Variants in ZFYVE9 observed in about 807,000 individuals in gnomAD.
The protein encoded by ZFYVE9 is zinc finger FYVE-type containing 9, also known as zinc finger FYVE domain-containing protein 9.
ZFYVE9 carries 43 observed loss-of-function variants against 126.7 expected under a neutral mutation model. That is an observed-to-expected ratio of 0.34 (90% CI 0.27 to 0.44). The LOEUF is 0.44. Ranked by LOEUF, ZFYVE9 falls within the 20% of genes least tolerant of loss-of-function variation. The pLI, the probability that ZFYVE9 is intolerant of heterozygous loss-of-function variation, is 1.00. For synonymous variants in ZFYVE9, 521 were observed against 597.4 expected, an observed-to-expected ratio of 0.87 and a Z score of 1.87; for missense variants, 1,476 against 1,697.0, an observed-to-expected ratio of 0.87 and a Z score of 2.29.
intron 1 of ZFYVE9, among the ~76,000 whole-genome samples, chr1:52,153,005 A>G (rs1315150841): frequency 6.6e-6 from 1 of 152,224 alleles, no homozygotes; most frequent in Non-Finnish European, 1.5e-5. Flanking sequence ...TTCAGAGCAC[A>G]TATTGCCTGT....
At chr1:52,214,984 A>C (rs1009867065) in intron 1 of ZFYVE9, among the ~76,000 whole-genome samples, 1 of 152,236 alleles carries the variant, frequency 6.6e-6, no homozygotes, top group Non-Finnish European at 1.5e-5. Context: ...AGATTAGCTC[A>C]TCCAGAAACA....
rs372490057 is a variant in ZFYVE9, at chr1:52,318,639, C to G, written c.3439-14129C>G. ...AATTATATATATAAAAAAAGACTGT[C>G]GGTATTCATGGATAACATGGCTGTC... On this transcript the variant is annotated intron_variant, in intron 13 of 18. Coordinates refer to ENST00000287727, the MANE Select transcript of ZFYVE9 (RefSeq NM_004799.4). Among the ~76,000 whole-genome samples the G allele has an allele frequency of 1.1e-4, 17 of 151,906 alleles. No homozygotes were observed. In the East Asian group the frequency reaches 2.9e-3, roughly 26 times the overall value.
intron 13 of ZFYVE9, among the ~76,000 whole-genome samples, chr1:52,314,701 T>G (rs951560135): frequency 2.0e-5 from 3 of 151,978 alleles, no homozygotes; most frequent in African/African-American, 7.3e-5. Flanking sequence ...GCGCCTCTAG[T>G]CCCAGCTACT....
intron 17 of ZFYVE9, among the ~76,000 whole-genome samples, chr1:52,344,271 T>G (rs1297774560): frequency 1.3e-5 from 2 of 152,166 alleles, no homozygotes; most frequent in African/African-American, 4.8e-5. Context: ...AAGGCTCAGA[T>G]GCCAGGCTCA....
At chr1:52,320,145 A>G (rs1051422457) in intron 13 of ZFYVE9, among the ~76,000 whole-genome samples, 2 of 150,662 alleles carry the variant, frequency 1.3e-5, no homozygotes, top group African/African-American at 4.9e-5. Flanking sequence ...ATCTCAGCTC[A>G]CTGCAACCTC....
At chr1:52,255,969 TTTC>T (rs1265605760) in intron 4 of ZFYVE9, among the ~76,000 whole-genome samples, 251 of 86,512 alleles carry the variant, frequency 2.9e-3, no homozygotes, top group African/African-American at 0.014. Context: ...TTTTCTTTTC[TTTC>T]TTTCTTTCTT....
rs1644272492 is a variant in ZFYVE9 at position 52,142,803 on chromosome 1, A to T, written c.-143+400A>T. Among the ~76,000 whole-genome samples the T allele has an allele frequency of 6.6e-6, 1 of 152,140 alleles. No individual in the cohort carries two copies. The highest frequency in any genetic ancestry group is 2.4e-5 in the African/African-American group (1 of 41,424). ...AAGCTTTGGCTTCCACGCGTCCCAT[A>T]CCGAGTCCCTCAGAATCCCGGTTGT... On this transcript the variant is annotated intron_variant, in intron 1 of 18. Coordinates refer to ENST00000287727, the MANE Select transcript of ZFYVE9 (RefSeq NM_004799.4). This position sits in a 1 kb window ranked among gnomAD's most constrained non-coding sequence, Gnocchi z 4.5.
At chr1:52,328,376 T>C (rs774646675) in intron 13 of ZFYVE9, among the ~76,000 whole-genome samples, 51 of 152,300 alleles carry the variant, frequency 3.3e-4, no homozygotes, top group Admixed American at 1.8e-3. Context: ...TAGTCAAATA[T>C]TTATATCATT....
In ZFYVE9 at chr1:52,177,048, C is replaced by T. The variant is rs573131667; in HGVS notation, c.-143+34645C>T. ...CTCCCTAGTGAGATGAACCCGGTAC[C>T]TCAGATGGAAATGCAGAAATCACCC... On this transcript the variant is annotated intron_variant, in intron 1 of 18. Transcript: ENST00000287727. 5.3e-5 allele frequency among the ~76,000 whole-genome samples: 8 copies of T among 152,284 alleles called. No individual in the cohort carries two copies. In the South Asian group the frequency reaches 1.7e-3, roughly 32 times the overall value.
At chr1:52,241,535 C>G (rs549764951) in intron 4 of ZFYVE9, among the ~76,000 whole-genome samples, 1 of 152,210 alleles carries the variant, frequency 6.6e-6, no homozygotes, top group African/African-American at 2.4e-5. Context: ...GCACATCCAG[C>G]TATAATGAGT....
intron 1 of ZFYVE9, among the ~76,000 whole-genome samples, chr1:52,197,405 AG>A (rs762450383): frequency 8.5e-5 from 13 of 152,304 alleles, no homozygotes; most frequent in Admixed American, 3.3e-4. Context: ...TTTAGAACCC[AG>A]AAAAGAGGTC....
chr1:52,318,790 T>C (rs1646211480), intron 13 of ZFYVE9, among the ~76,000 whole-genome samples: 1 of 152,002 alleles, frequency 6.6e-6, no homozygotes, highest in African/African-American at 2.4e-5. Context: ...AACAATTGAA[T>C]ATAGAAATTT....
intron 13 of ZFYVE9, among the ~76,000 whole-genome samples, chr1:52,309,365 G>A (rs1646117139): frequency 6.6e-6 from 1 of 152,192 alleles, no homozygotes; most frequent in South Asian, 2.1e-4. Flanking sequence ...CGTAGTCCCA[G>A]CTACTTGGGA....
chr1:52,329,301 T>A (rs1424477130), intron 13 of ZFYVE9, among the ~76,000 whole-genome samples: 1 of 152,204 alleles, frequency 6.6e-6, no homozygotes, highest in Non-Finnish European at 1.5e-5. Context: ...TTCTCAATTT[T>A]AAAACTTACC....
At chr1:52,225,546 A>G (rs917530838) in intron 2 of ZFYVE9, among the ~76,000 whole-genome samples, 1 of 152,200 alleles carries the variant, frequency 6.6e-6, no homozygotes, top group Non-Finnish European at 1.5e-5. Context: ...TGTCTTTCCC[A>G]TGTTGGATGG....
intron 13 of ZFYVE9, among the ~76,000 whole-genome samples, chr1:52,308,484 T>C (rs934450432): frequency 1.3e-5 from 2 of 152,156 alleles, no homozygotes; most frequent in African/African-American, 4.8e-5. Context: ...CACCCGGCCA[T>C]AATTTTCTTG....
chr1:52,322,377 CTTTTT>C (rs113375062), intron 13 of ZFYVE9, among the ~76,000 whole-genome samples: 3 of 119,478 alleles, frequency 2.5e-5, no homozygotes, highest in Non-Finnish European at 3.6e-5. Context: ...GTGGTCTTTT[CTTTTT>C]TTTTTTTTTT....
chr1:52,289,868 G>A (rs2147825809), intron 10 of ZFYVE9, among the ~76,000 whole-genome samples: 1 of 152,318 alleles, frequency 6.6e-6, no homozygotes, highest in African/African-American at 2.4e-5. Context: ...GATGAAGAGA[G>A]TGTTAAATGG....
intron 1 of ZFYVE9, among the ~76,000 whole-genome samples, chr1:52,192,050 C>T (rs539188885): frequency 1.4e-3 from 208 of 146,398 alleles, no homozygotes; most frequent in Middle Eastern, 0.014. Flanking sequence ...TTTTCTAGAA[C>T]AAGCACCTGA....
Sources: allele counts gnomAD v4.1 joint callset (sites outside exome capture counted in the v4.1 genomes callset), GRCh38; gene constraint gnomAD v4.1.1; non-coding constraint Gnocchi (gnomAD v3.1); transcripts MANE v1.5; gene names NCBI Gene and HGNC (gene_info 2026-07-23, HGNC 2026-07-21).